Variants in ACER3 observed in about 807,000 individuals in gnomAD.
ACER3 encodes alkCDase 3.
A neutral mutation model predicts 48.9 loss-of-function variants in ACER3; 16 were observed. The ratio of observed to expected loss-of-function variants is 0.33; its 90% CI spans 0.22 to 0.50. The LOEUF is 0.50. Among genes scored for constraint, ACER3 ranks in the 20% least tolerant of loss-of-function variants. The pLI is 0.98. For missense variants in ACER3, 227 were observed against 326.0 expected (o/e 0.70, Z 2.34); for synonymous variants, 109 against 107.8 (o/e 1.01, Z -0.07).
Position 77,015,090 on chromosome 11 carries a change from T to C in ACER3, c.572T>C (p.Ile191Thr). The C allele has an allele frequency of 6.4e-7, 1 of 1,566,618 alleles. No homozygotes were observed. The highest frequency in any genetic ancestry group is 8.8e-7 in the Non-Finnish European group (1 of 1,137,182). The change falls in exon 8 of 11, where the codon ATA (isoleucine) becomes ACA (threonine). Residue 191 changes from isoleucine to threonine, a missense_variant. Physicochemically the swap from Ile to Thr is moderately conservative, Grantham distance 89. Around this residue, in one of 3 missense-constraint regions of ACER3, gnomAD observed 195 missense variants for 290.8 expected, o/e 0.67. Coordinates refer to ENST00000532485, the MANE Select transcript of ACER3 (RefSeq NM_018367.7). ...IFLLGFLFWN[I>T]DNIFCESLRN... The stretch of plus-strand genomic sequence containing the variant: ...TTATTGGGATTTTTATTTTGGAATA[T>C]AGATAACATATTTTGTGAGTCACTG...
chr11:77,013,558 G>GA (rs1252642803), intron 7 of ACER3, among the ~76,000 whole-genome samples: 1 of 152,028 alleles, frequency 6.6e-6, no homozygotes, highest in Non-Finnish European at 1.5e-5. Flanking sequence ...CAGCTAAAAT[G>GA]AAAAAGACTG....
At chr11:76,971,372 T>C (rs2135126573) in intron 3 of ACER3, among the ~76,000 whole-genome samples, 1 of 151,974 alleles carries the variant, frequency 6.6e-6, no homozygotes, top group Non-Finnish European at 1.5e-5. Flanking sequence ...AAACCCCGTC[T>C]CCACTAAAAA....
At chr11:76,888,264 C>T (rs1417180556) in intron 1 of ACER3, among the ~76,000 whole-genome samples, 2 of 152,052 alleles carry the variant, frequency 1.3e-5, no homozygotes, top group African/African-American at 2.4e-5. Flanking sequence ...AGATGCTAGA[C>T]AAAACATGGC....
At chr11:76,915,976 A>G (rs550845206) in intron 1 of ACER3, among the ~76,000 whole-genome samples, 2 of 152,356 alleles carry the variant, frequency 1.3e-5, no homozygotes, top group African/African-American at 2.4e-5. Flanking sequence ...TGGGGACCCA[A>G]AACCTAACCA....
rs193268636 is a variant in ACER3 at position 76,928,076 on chromosome 11, G to A, written c.214+1409G>A. Among the ~76,000 whole-genome samples the A allele has an allele frequency of 2.7e-3, 416 of 152,080 alleles. 2 individuals carry two copies. The highest frequency in any genetic ancestry group is 9.5e-3 in the African/African-American group (393 of 41,488). On this transcript the variant is annotated intron_variant, in intron 2 of 10. Transcript: ENST00000532485. ...GGTTGAACTAGTTTACAGTCCCACC[G>A]ACAGTATAAAAGTGTTCCTATTTCT...
chr11:76,912,295 T>C (rs539676097), intron 1 of ACER3, among the ~76,000 whole-genome samples: 57 of 152,284 alleles, frequency 3.7e-4, no homozygotes, highest in African/African-American at 1.3e-3. Context: ...CAATTTTTCC[T>C]TCAGGGGCTC....
intron 1 of ACER3, among the ~76,000 whole-genome samples, chr11:76,894,673 G>C (rs1945886622): frequency 6.6e-6 from 1 of 152,110 alleles, no homozygotes; most frequent in Non-Finnish European, 1.5e-5. Context: ...ATATGAGCTG[G>C]GCCATATGAC....
intron 2 of ACER3, among the ~76,000 whole-genome samples, chr11:76,932,119 T>G (rs1236161258): frequency 6.6e-6 from 1 of 152,084 alleles, no homozygotes; most frequent in Non-Finnish European, 1.5e-5. Flanking sequence ...TGGCTAATTT[T>G]TGTATTTTTT....
intron 7 of ACER3, among the ~76,000 whole-genome samples, chr11:77,000,505 T>C (rs1949010068): frequency 6.6e-6 from 1 of 152,178 alleles, no homozygotes; most frequent in Admixed American, 6.5e-5. Context: ...ATCCCAAAGA[T>C]TTGTTCTTAT....
rs185420323 is a variant in ACER3 at position 76,885,193 on chromosome 11, C to T, written c.103+24114C>T. On this transcript the variant is annotated intron_variant, in intron 1 of 10. Transcript: ENST00000532485. Reference sequence around the variant, plus strand: ...ATATGTTATTTGCATGTACTATATGCTAGGCACTTAATTTAAAGGTGCCTG... The same window carrying T: ...ATATGTTATTTGCATGTACTATATGTTAGGCACTTAATTTAAAGGTGCCTG... 1.9e-4 allele frequency among the ~76,000 whole-genome samples: 29 copies of T among 152,280 alleles called. No homozygotes were observed. The East Asian group carries it at 5.2e-3, about 27-fold the overall frequency.
At chr11:76,973,559 G>A (rs1478471853) in intron 3 of ACER3, among the ~76,000 whole-genome samples, 1 of 152,276 alleles carries the variant, frequency 6.6e-6, no homozygotes, top group East Asian at 1.9e-4. Context: ...TGAGTGCCCA[G>A]CTCAGGGTTG....
At chr11:76,908,456 GACAA>G (rs67398825) in intron 1 of ACER3, among the ~76,000 whole-genome samples, 89,616 of 151,250 alleles carry the variant, frequency 0.59, 28,729 homozygotes, top group Non-Finnish European at 0.73. Flanking sequence ...ACCAATAGTA[GACAA>G]ACAGAGAGCC....
At position 77,015,073 on chromosome 11, in the gene ACER3, A is replaced by AT. The variant is rs1949342701; in HGVS notation, c.560dup (p.Leu187PhefsTer7). On this transcript the variant is annotated frameshift_variant, in exon 8 of 11. Coordinates refer to ENST00000532485, the MANE Select transcript of ACER3 (RefSeq NM_018367.7). LOFTEE classifies it high-confidence loss of function. ...CATCATTGGGTATATTTTTATTGGG[A>AT]TTTTTATTTTGGAATATAGATAACA... is the stretch of plus-strand genomic sequence containing the variant. The AT allele has an allele frequency of 6.3e-7, 1 of 1,596,404 alleles. No homozygotes were observed. Among genetic ancestry groups the AT allele is most frequent in the African/African-American group, 1.3e-5 (1 of 74,530 alleles).
chr11:76,940,403 G>A (rs1947306551), intron 2 of ACER3, among the ~76,000 whole-genome samples: 1 of 152,056 alleles, frequency 6.6e-6, no homozygotes, highest in Admixed American at 6.6e-5. Context: ...TTCTAAATGG[G>A]AAATGGGTTA....
At chr11:76,884,845 C>G (rs1428890848) in intron 1 of ACER3, among the ~76,000 whole-genome samples, 1 of 152,022 alleles carries the variant, frequency 6.6e-6, no homozygotes, top group South Asian at 2.1e-4. Context: ...TTCACTGCAG[C>G]CTTGACTTCC....
intron 1 of ACER3, among the ~76,000 whole-genome samples, chr11:76,918,440 G>A (rs1339859758): frequency 6.6e-6 from 1 of 151,918 alleles, no homozygotes; most frequent in East Asian, 1.9e-4. Flanking sequence ...CTTCTCCCTT[G>A]TGATAACTGT....
chr11:76,873,688 A>T (rs890806542), intron 1 of ACER3, among the ~76,000 whole-genome samples: 1 of 152,196 alleles, frequency 6.6e-6, no homozygotes, highest in Non-Finnish European at 1.5e-5. Context: ...TTGCTCAAGT[A>T]TTCAAAGGTA....
At chr11:76,916,831 GA>G (rs995307874) in intron 1 of ACER3, among the ~76,000 whole-genome samples, 2 of 152,144 alleles carry the variant, frequency 1.3e-5, no homozygotes, top group Non-Finnish European at 2.9e-5. Flanking sequence ...TCTGGCTCAT[GA>G]CTTCATCATG....
At chr11:77,014,511 G>A (rs1255415555) in intron 7 of ACER3, among the ~76,000 whole-genome samples, 2 of 152,166 alleles carry the variant, frequency 1.3e-5, no homozygotes, top group Admixed American at 1.3e-4. Context: ...GTGTGTGTGT[G>A]TATGTGTAAC....
Sources: gnomAD v4.1 joint callset for allele counts (sites outside exome capture counted in the v4.1 genomes callset) on GRCh38, gnomAD v4.1.1 for gene constraint, gnomAD v4.1.1 regional missense constraint, MANE v1.5 for transcripts, NCBI Gene and HGNC (gene_info 2026-07-23, HGNC 2026-07-21) for gene names.